AKAP13: variants seen among roughly 807,000 people sequenced by gnomAD.
AKAP13 encodes the protein A-kinase anchoring protein 13.
AKAP13 carries 80 observed loss-of-function variants against 264.5 expected under a neutral mutation model. That is an observed-to-expected ratio of 0.30 (90% CI 0.25 to 0.36). AKAP13 has a LOEUF of 0.36. Among genes scored for constraint, AKAP13 ranks in the 10% least tolerant of loss-of-function variants. The pLI, the probability that AKAP13 is intolerant of heterozygous loss-of-function variation, is 1.00. For missense variants in AKAP13, 3,712 were observed against 3,435.2 expected (o/e 1.08, Z -2.01); for synonymous variants, 1,380 against 1,250.2 (o/e 1.10, Z -2.19).
chr15:85,565,013 A>AC (rs2151275201), intron 5 of AKAP13, among the ~76,000 whole-genome samples: 1 of 152,292 alleles, frequency 6.6e-6, no homozygotes, highest in African/African-American at 2.4e-5. Context: ...ATGTTTAAAA[A>AC]CAATATTAAT....
In AKAP13 at chr15:85,730,598, C is replaced by G; in HGVS notation, c.7173C>G (p.Thr2391=). The G allele has an allele frequency of 6.2e-7, 1 of 1,614,046 alleles. No homozygotes were observed. Among genetic ancestry groups the G allele is most frequent in the Non-Finnish European group, 8.5e-7 (1 of 1,179,978 alleles). ...TCCGGGACATGGCTGAGTGCAGCAC[C>G]CCTCTCCCAGAGGATTGCTCCCCAA... The part of the protein sequence containing the change: ...MIFRDMAECS[T]PLPEDCSPTH... Residue 2391 remains threonine (T), a synonymous_variant, in exon 30 of 37, where the codon ACC becomes ACG. Coordinates refer to ENST00000394518, the MANE Select transcript of AKAP13 (RefSeq NM_007200.5).
At chr15:85,551,792 A>G (rs1458680649) in intron 5 of AKAP13, among the ~76,000 whole-genome samples, 1 of 152,212 alleles carries the variant, frequency 6.6e-6, no homozygotes, top group Non-Finnish European at 1.5e-5. Context: ...GAAAATACAG[A>G]CCTGGAGTAT....
At chr15:85,456,908 G>C (rs978854088) in intron 1 of AKAP13, among the ~76,000 whole-genome samples, 2 of 152,140 alleles carry the variant, frequency 1.3e-5, no homozygotes, top group Non-Finnish European at 2.9e-5. Context: ...TGAGGTTGTG[G>C]ATTTGGAGAA....
intron 5 of AKAP13, among the ~76,000 whole-genome samples, chr15:85,559,482 T>C (rs1031975269): frequency 6.6e-6 from 1 of 152,160 alleles, no homozygotes; most frequent in Non-Finnish European, 1.5e-5. Context: ...ATTTCTGTTA[T>C]TACTGCACTG....
Position 85,710,620 on chromosome 15 carries a change from G to A in AKAP13, c.5574G>A (p.Leu1858=), listed in dbSNP as rs746199923. Residue 1858 remains leucine (L), a synonymous_variant, in exon 19 of 37, where the codon CTG becomes CTA. Transcript: ENST00000394518. ...GSLQAHDTSS[L]PTVIMRNKPS... ...TTCAGGCACATGACACATCATCACTGCCCACGGTCATTATGAGAAACAAGC... is the reference window on the plus strand; with the variant it reads ...TTCAGGCACATGACACATCATCACTACCCACGGTCATTATGAGAAACAAGC... The A allele has an allele frequency of 6.8e-6, 11 of 1,613,704 alleles. No individual in the cohort carries two copies. The East Asian group carries it at 2.2e-4, about 33-fold the overall frequency.
intron 9 of AKAP13, among the ~76,000 whole-genome samples, chr15:85,643,160 T>C (rs74025647): frequency 0.02 from 2,970 of 151,880 alleles, 99 homozygotes; most frequent in African/African-American, 0.068. Context: ...ATGAAAGATT[T>C]TCAGATTCAT....
At chr15:85,692,081 G>T (rs578144315) in intron 16 of AKAP13, among the ~76,000 whole-genome samples, 5 of 152,084 alleles carry the variant, frequency 3.3e-5, no homozygotes, top group Admixed American at 6.5e-5. Context: ...TATTAACAAG[G>T]CTCCTTCCTG....
chr15:85,589,056 A>T lies in AKAP13; in HGVS notation c.4161+3233A>T, dbSNP rs78706280. On this transcript the variant is annotated intron_variant, in intron 8 of 36. Transcript: ENST00000394518. Reference sequence around the variant, plus strand: ...AAGTTTTTGTGTTCACAGCATTCTTATAATGATGTGAAATCTGACTACTTA... The same window carrying T: ...AAGTTTTTGTGTTCACAGCATTCTTTTAATGATGTGAAATCTGACTACTTA... Among the ~76,000 whole-genome samples, 1,352 of 152,328 alleles carry T rather than the reference A, an allele frequency of 8.9e-3. 16 individuals are homozygous for T. The highest frequency in any genetic ancestry group is 0.031 in the African/African-American group (1,298 of 41,562).
At position 85,491,668 on chromosome 15, in the gene AKAP13, A is replaced by G. The variant is rs187387362; in HGVS notation, c.33+5915A>G. On this transcript the variant is annotated intron_variant, in intron 2 of 36. Transcript: ENST00000394518. Reference sequence around the variant, plus strand: ...AAAAAAACTATTTTCAAAACTTGGTACTGTTACTCCATTTGTGAACCTGAA... The same window carrying G: ...AAAAAAACTATTTTCAAAACTTGGTGCTGTTACTCCATTTGTGAACCTGAA... 1.9e-3 allele frequency among the ~76,000 whole-genome samples: 291 copies of G among 151,856 alleles called. 7 individuals carry two copies. The highest frequency in any genetic ancestry group is 0.017 in the Middle Eastern group (5 of 294).
intron 4 of AKAP13, among the ~76,000 whole-genome samples, chr15:85,539,142 T>A (rs1467273160): frequency 6.6e-6 from 1 of 152,172 alleles, no homozygotes; most frequent in Non-Finnish European, 1.5e-5. Context: ...TGTTTGTGTA[T>A]TTTTTCAGCT....
chr15:85,726,318 C>A, intron 26 of AKAP13, 92 bp from the exon 27 acceptor site: 1 of 1,021,460 alleles, frequency 9.8e-7, no homozygotes, highest in Non-Finnish European at 1.5e-6. Context: ...GTATGTGTTG[C>A]TGAAACACCC....
At chr15:85,656,631 GT>G (rs2083109286) in intron 11 of AKAP13, among the ~76,000 whole-genome samples, 1 of 152,050 alleles carries the variant, frequency 6.6e-6, no homozygotes, top group East Asian at 1.9e-4. Flanking sequence ...TGTATTTTTA[GT>G]AGAGACAGGG....
At chr15:85,725,344 A>G (rs2087551424) in intron 26 of AKAP13, among the ~76,000 whole-genome samples, 2 of 152,008 alleles carry the variant, frequency 1.3e-5, no homozygotes, top group East Asian at 3.9e-4. Flanking sequence ...ATAAACTTCA[A>G]GATTCAATGA....
chr15:85,506,634 G>A (rs62023860), intron 2 of AKAP13, among the ~76,000 whole-genome samples: 18,756 of 152,196 alleles, frequency 0.12, 1,515 homozygotes, highest in Non-Finnish European at 0.18. Context: ...GAGAGTTAGG[G>A]TAGGAGAGCT....
Position 85,463,142 on chromosome 15 carries a change from CAGAG to C in AKAP13, c.-11-22564_-11-22561del, listed in dbSNP as rs2074588982. 2.0e-5 allele frequency among the ~76,000 whole-genome samples: 3 copies of C among 148,190 alleles called. 1 individual carries two copies. In the South Asian group the frequency reaches 6.3e-4, roughly 31 times the overall value. On this transcript the variant is annotated intron_variant, in intron 1 of 36. Transcript: ENST00000394518. Reference sequence around the variant, plus strand: ...AGTAAGAATTACTGAATTTGAAGAACAGAGAGAAAAGGAGATTGAAACAAAATGA... The same window carrying C: ...AGTAAGAATTACTGAATTTGAAGAACAGAAAAGGAGATTGAAACAAAATGA...
intron 19 of AKAP13, among the ~76,000 whole-genome samples, chr15:85,711,688 GCTCCATGGGAGC>G (rs2086640044): frequency 6.6e-6 from 1 of 152,188 alleles, no homozygotes; most frequent in East Asian, 1.9e-4. Context: ...TTCTTAGCTG[GCTCCATGGGAGC>G]CTCTGTGAGA....
At chr15:85,498,932 A>G (rs1228742720) in intron 2 of AKAP13, among the ~76,000 whole-genome samples, 1 of 152,212 alleles carries the variant, frequency 6.6e-6, no homozygotes, top group Non-Finnish European at 1.5e-5. Context: ...ATGCACTCCA[A>G]AGTTTAAGCA....
At chr15:85,733,828 A>AAGTT (rs1469785971) in intron 30 of AKAP13, among the ~76,000 whole-genome samples, 1 of 148,996 alleles carries the variant, frequency 6.7e-6, no homozygotes, top group Non-Finnish European at 1.5e-5. Context: ...ATTCTGACCT[A>AAGTT]AGTTAGTTCT....
Position 85,654,548 on chromosome 15 carries a change from T to G in AKAP13, c.4375-869T>G, listed in dbSNP as rs1369359654. Among the ~76,000 whole-genome samples, 2 of 152,152 alleles carry G rather than the reference T, an allele frequency of 1.3e-5. 1 individual carries two copies. Among genetic ancestry groups the G allele is most frequent in the Admixed American group, 1.3e-4 (2 of 15,278 alleles). ...TTTCCTCTTGAAGAAAAAAATGGGC[T>G]GGTCACGGTGGCTCAAACCTGTAAT... On this transcript the variant is annotated intron_variant, in intron 10 of 36. Transcript: ENST00000394518.
Sources: gnomAD v4.1 joint callset for allele counts (sites outside exome capture counted in the v4.1 genomes callset) on GRCh38, gnomAD v4.1.1 for gene constraint, MANE v1.5 for transcripts, NCBI Gene and HGNC (gene_info 2026-07-23, HGNC 2026-07-21) for gene names.